Variants in TGFBR3 observed in about 807,000 individuals in gnomAD.
TGFBR3 encodes the protein transforming growth factor beta receptor type 3.
In TGFBR3, 46 loss-of-function variants were observed where a neutral mutation model predicts 87.9. The ratio of observed to expected loss-of-function variants is 0.52; its 90% CI spans 0.41 to 0.67. The LOEUF is 0.67. TGFBR3 is among the 30% of genes least tolerant of loss of function. The pLI is 0.00. For missense variants in TGFBR3, 866 were observed against 1,041.9 expected (o/e 0.83, Z 2.32); for synonymous variants, 381 against 391.6 (o/e 0.97, Z 0.32).
In TGFBR3 at chr1:91,851,615, C is replaced by A. The variant is rs553800737; in HGVS notation, c.61+9856G>T. On this transcript the variant is annotated intron_variant, in intron 2 of 16. Transcript: ENST00000212355. ...ACCAAAGCAAACAAGCTGAGAAAGT[C>A]TAATTTCCTATATACACAACCGTGT... Among the ~76,000 whole-genome samples, 98 of 152,314 alleles carry A rather than the reference C, an allele frequency of 6.4e-4. 2 individuals carry two copies. In the South Asian group the frequency reaches 0.018, roughly 28 times the overall value.
At chr1:91,765,301 T>C (rs1438615679) in intron 3 of TGFBR3, among the ~76,000 whole-genome samples, 3 of 149,018 alleles carry the variant, frequency 2.0e-5, no homozygotes, top group Admixed American at 1.3e-4. Context: ...ACAAGTTCTC[T>C]GAAAGAAGGA....
intron 7 of TGFBR3, 27 bp from the exon 8 acceptor site, chr1:91,722,171 A>T (rs751970783): frequency 1.4e-5 from 22 of 1,595,732 alleles, no homozygotes; most frequent in Non-Finnish European, 1.9e-5. Context: ...AAAATCACTC[A>T]TGAGTCTAAA....
chr1:91,865,203 A>C (rs1400893549), intron 1 of TGFBR3, among the ~76,000 whole-genome samples: 1 of 4,026 alleles, frequency 2.5e-4, no homozygotes, highest in South Asian at 8.2e-3. Flanking sequence ...ACTCCATCTC[A>C]AAAAAAAAAA....
At chr1:91,827,146 A>C (rs1676672586) in intron 2 of TGFBR3, among the ~76,000 whole-genome samples, 1 of 152,142 alleles carries the variant, frequency 6.6e-6, no homozygotes, top group African/African-American at 2.4e-5. Flanking sequence ...CTTCTAGGGA[A>C]GGTAAGCTCC....
chr1:91,759,135 AT>A (rs1673859172), intron 3 of TGFBR3, among the ~76,000 whole-genome samples: 1 of 152,144 alleles, frequency 6.6e-6, no homozygotes, highest in South Asian at 2.1e-4. Context: ...GGAAAACAAA[AT>A]CCCCTTGGGG....
rs548611386 is a variant in TGFBR3, at chr1:91,680,500, G to A, written c.*3239C>T. On this transcript the variant is annotated 3_prime_UTR_variant, in exon 17 of 17. Coordinates refer to ENST00000212355, the MANE Select transcript of TGFBR3 (RefSeq NM_003243.5). ...TTCAAACTGGCCACAGGGATTTTAA[G>A]GGTACTCGTTTTACCCTCATAGATG... 3.2e-4 allele frequency: 146 copies of A among 454,022 alleles called. 1 individual carries two copies. Among genetic ancestry groups the A allele is most frequent in the Middle Eastern group, 2.8e-3 (4 of 1,444 alleles). The allele number at this position is 454,022 out of a possible 1,614,324, so 28.1% of individuals were successfully genotyped here. A position where few individuals can be genotyped will look rare whatever the true frequency, so the allele number is the denominator to read the frequency against.
chr1:91,718,879 G>A (rs959985681), intron 10 of TGFBR3, among the ~76,000 whole-genome samples: 5 of 152,144 alleles, frequency 3.3e-5, no homozygotes, highest in Non-Finnish European at 5.9e-5. Flanking sequence ...ATGAAGGAGG[G>A]AGAAGTTCTC....
chr1:91,841,532 C>A (rs1386421206), intron 2 of TGFBR3, among the ~76,000 whole-genome samples: 1 of 151,810 alleles, frequency 6.6e-6, no homozygotes, highest in Non-Finnish European at 1.5e-5. Context: ...CAGTGGCTTA[C>A]ACCTGTAATC....
intron 3 of TGFBR3, chr1:91,766,284 C>G (rs898718708): frequency 1.3e-5 from 2 of 151,262 alleles, no homozygotes; most frequent in African/African-American, 2.4e-5. Context: ...AATCCTCCCA[C>G]CTCAGCCTCT....
intron 2 of TGFBR3, among the ~76,000 whole-genome samples, chr1:91,832,999 A>AGC (rs1473226339): frequency 1.2e-4 from 15 of 128,746 alleles, no homozygotes; most frequent in East Asian, 7.7e-4. Flanking sequence ...CAGAGCAAGA[A>AGC]TCTGTCTCAA....
intron 2 of TGFBR3, among the ~76,000 whole-genome samples, chr1:91,893,104 T>C (rs1679482299): frequency 6.6e-6 from 1 of 152,204 alleles, no homozygotes; most frequent in Admixed American, 6.5e-5. Context: ...CTGTTATTAT[T>C]ACCCTTTATT....
intron 12 of TGFBR3, 31 bp downstream of exon 12, chr1:91,716,205 T>C (rs1367457958): frequency 2.4e-5 from 38 of 1,613,614 alleles, no homozygotes; most frequent in Non-Finnish European, 3.1e-5. Flanking sequence ...AGCACTAACC[T>C]AAAAGGTCAA....
chr1:91,810,275 T>G (rs1675984081), intron 2 of TGFBR3, among the ~76,000 whole-genome samples: 1 of 152,108 alleles, frequency 6.6e-6, no homozygotes, highest in Non-Finnish European at 1.5e-5. Context: ...CCCAGGCTGG[T>G]CTCAAACTCA....
intron 4 of TGFBR3, among the ~76,000 whole-genome samples, chr1:91,738,926 C>A (rs1314293289): frequency 6.6e-6 from 1 of 152,044 alleles, no homozygotes; most frequent in Non-Finnish European, 1.5e-5. Flanking sequence ...AAGTTAAAGA[C>A]CTAAAGGAGA....
At chr1:91,735,033 T>C in intron 4 of TGFBR3, 74 bp from the exon 5 acceptor site, 1 of 1,553,392 alleles carries the variant, frequency 6.4e-7, no homozygotes, top group South Asian at 1.1e-5. Context: ...AAAGTACTTC[T>C]CAAATCGAAG....
intron 3 of TGFBR3, chr1:91,783,408 A>C (rs1461281416): frequency 1.3e-5 from 2 of 152,230 alleles, no homozygotes; most frequent in African/African-American, 4.8e-5. Context: ...GACTCCTTCA[A>C]TCAGCCAGCA....
intron 7 of TGFBR3, among the ~76,000 whole-genome samples, chr1:91,723,803 A>T (rs369410768): frequency 6.6e-6 from 1 of 152,126 alleles, no homozygotes; most frequent in African/African-American, 2.4e-5. Flanking sequence ...AATCACTTTA[A>T]TTTCCATGCC....
At chr1:91,780,888 C>CACACACACACACACACACAA (rs1674742129) in intron 3 of TGFBR3, among the ~76,000 whole-genome samples, 1 of 41,476 alleles carries the variant, frequency 2.4e-5, no homozygotes, top group African/African-American at 1.1e-4. Flanking sequence ...GAGAACTACA[C>CACACACACACACACACACAA]ACACACACAC....
rs1281785049 is a variant in TGFBR3 at position 91,687,830 on chromosome 1, G to C, written c.2438-3973C>G. 2.6e-5 allele frequency among the ~76,000 whole-genome samples: 4 copies of C among 152,266 alleles called. No homozygotes were observed. The East Asian group carries it at 7.7e-4, about 29-fold the overall frequency. On this transcript the variant is annotated intron_variant, in intron 16 of 16. Transcript: ENST00000212355. ...CTTCTCAGGAGATATTTAAGCACAGGATTGAAAACCATATACCTGGGGACA... is the reference window on the plus strand; with the variant it reads ...CTTCTCAGGAGATATTTAAGCACAGCATTGAAAACCATATACCTGGGGACA...
Sources: gnomAD v4.1 joint callset for allele counts (sites outside exome capture counted in the v4.1 genomes callset) on GRCh38, gnomAD v4.1.1 for gene constraint, MANE v1.5 for transcripts, NCBI Gene and HGNC (gene_info 2026-07-23, HGNC 2026-07-21) for gene names.